The following PPP6R3 variants were observed in gnomAD, a reference collection of about 807,000 sequenced individuals.
The protein encoded by PPP6R3 is protein phosphatase 6 regulatory subunit 3.
PPP6R3 carries 38 observed loss-of-function variants against 110.7 expected under a neutral mutation model. That is an observed-to-expected ratio of 0.34 (90% CI 0.26 to 0.45). The LOEUF (loss-of-function observed/expected upper bound fraction) is 0.45. Among genes scored for constraint, PPP6R3 ranks in the 20% least tolerant of loss-of-function variants. The pLI is 1.00. For synonymous variants in PPP6R3, 369 were observed against 373.5 expected (o/e 0.99, Z 0.14); for missense variants, 870 against 1,062.4 (o/e 0.82, Z 2.52).
intron 22 of PPP6R3, among the ~76,000 whole-genome samples, chr11:68,607,863 T>C (rs1391189370): frequency 1.3e-5 from 2 of 152,088 alleles, no homozygotes; most frequent in Non-Finnish European, 2.9e-5. Flanking sequence ...AACTTCCAAC[T>C]CCTGAGCTCC....
intron 15 of PPP6R3, among the ~76,000 whole-genome samples, chr11:68,584,435 A>G (rs2099571915): frequency 6.6e-6 from 1 of 152,208 alleles, no homozygotes. Flanking sequence ...AGTGCTGTAC[A>G]TTGGTCCACC....
intron 1 of PPP6R3, among the ~76,000 whole-genome samples, chr11:68,506,297 G>C (rs972899210): frequency 3.3e-5 from 5 of 150,138 alleles, no homozygotes; most frequent in Admixed American, 6.6e-5. Context: ...GTAGAGACGG[G>C]GTCTTGCTAT....
intron 15 of PPP6R3, among the ~76,000 whole-genome samples, chr11:68,583,876 AACGGGG>A (rs1400343957): frequency 1.3e-5 from 2 of 152,200 alleles, no homozygotes; most frequent in Non-Finnish European, 2.9e-5. Flanking sequence ...CAATAGAATT[AACGGGG>A]ACACCTTCCC....
chr11:68,614,938 A>T lies in PPP6R3; in HGVS notation c.*1821A>T. The T allele has an allele frequency of 1.5e-6, 1 of 655,658 alleles. No individual in the cohort carries two copies. Among genetic ancestry groups the T allele is most frequent in the African/African-American group, 1.8e-5 (1 of 56,134 alleles). 40.6% of individuals were successfully genotyped at this position (655,658 alleles called of 1,614,324 possible). A position where few individuals can be genotyped will look rare whatever the true frequency, so the allele number is the denominator to read the frequency against. ...CCAGCCATGGCCAGGGTTTGGCTCC[A>T]CTGGTGGCACACGTGGCCTCCGTGG... On this transcript the variant is annotated 3_prime_UTR_variant, in exon 24 of 24. Transcript: ENST00000393800.
At chr11:68,567,770 G>A (rs2099484094) in intron 10 of PPP6R3, among the ~76,000 whole-genome samples, 1 of 152,122 alleles carries the variant, frequency 6.6e-6, no homozygotes, top group African/African-American at 2.4e-5. Context: ...AAGCGCGAGG[G>A]TTAACACTTT....
intron 1 of PPP6R3, among the ~76,000 whole-genome samples, chr11:68,500,535 T>TG (rs1256188504): frequency 6.6e-6 from 1 of 152,194 alleles, no homozygotes; most frequent in Admixed American, 6.5e-5. Context: ...CGGAGTGCAG[T>TG]GGTGTGATCT....
intron 13 of PPP6R3, 146 bp downstream of exon 13, chr11:68,574,370 G>C (rs2099522193): frequency 9.5e-6 from 6 of 628,626 alleles, no homozygotes; most frequent in Non-Finnish European, 1.4e-5. Context: ...TGAGGTTCTT[G>C]AGAATGTGTT....
At chr11:68,465,204 T>G (rs1455099754) in intron 1 of PPP6R3, among the ~76,000 whole-genome samples, 1 of 152,222 alleles carries the variant, frequency 6.6e-6, no homozygotes, top group Non-Finnish European at 1.5e-5. Flanking sequence ...TTTGTTTTAA[T>G]AAAGACCTAT....
At chr11:68,550,240 T>G (rs1412492276) in intron 5 of PPP6R3, among the ~76,000 whole-genome samples, 1 of 152,228 alleles carries the variant, frequency 6.6e-6, no homozygotes, top group Non-Finnish European at 1.5e-5. Context: ...ACCTAATAGC[T>G]TCACATTTTC....
chr11:68,499,831 C>T (rs749071161), intron 1 of PPP6R3, among the ~76,000 whole-genome samples: 1 of 152,098 alleles, frequency 6.6e-6, no homozygotes, highest in Admixed American at 6.6e-5. Context: ...CCTCGGCCCT[C>T]CAAAGTGCTA....
intron 1 of PPP6R3, among the ~76,000 whole-genome samples, chr11:68,482,810 C>G (rs553240240): frequency 2.6e-5 from 4 of 151,510 alleles, no homozygotes; most frequent in African/African-American, 7.3e-5. Flanking sequence ...GATTTTTTTT[C>G]TGTATATTTG....
chr11:68,463,859 T>C (rs1211410270), intron 1 of PPP6R3, among the ~76,000 whole-genome samples: 1 of 152,166 alleles, frequency 6.6e-6, no homozygotes, highest in South Asian at 2.1e-4. Flanking sequence ...TCTGGACATA[T>C]TTTTGCTTGT....
At chr11:68,533,629 C>T (rs1020777652) in intron 2 of PPP6R3, among the ~76,000 whole-genome samples, 1 of 147,940 alleles carries the variant, frequency 6.8e-6, no homozygotes, top group African/African-American at 2.5e-5. Flanking sequence ...CACCTGAGTC[C>T]TGGAGGCAGA....
chr11:68,614,564 T>A lies in PPP6R3; in HGVS notation c.*1447T>A. 1 of 1,500,712 alleles carries A rather than the reference T, an allele frequency of 6.7e-7. No homozygotes were observed. Among genetic ancestry groups the A allele is most frequent in the Non-Finnish European group, 8.8e-7 (1 of 1,135,454 alleles). 93.0% of individuals were successfully genotyped at this position (1,500,712 alleles called of 1,614,324 possible). A position where few individuals can be genotyped will look rare whatever the true frequency, so the allele number is the denominator to read the frequency against. Reference sequence around the variant, plus strand: ...CAAGCAGCGTGCCTAAACATTACATTGCATATGGAAATAAAAGAATCAAAC... The same window carrying A: ...CAAGCAGCGTGCCTAAACATTACATAGCATATGGAAATAAAAGAATCAAAC... On this transcript the variant is annotated 3_prime_UTR_variant, in exon 24 of 24. Coordinates refer to ENST00000393800, the MANE Select transcript of PPP6R3 (RefSeq NM_001164161.2).
chr11:68,582,545 G>C (rs1209118577), intron 14 of PPP6R3, among the ~76,000 whole-genome samples: 1 of 152,226 alleles, frequency 6.6e-6, no homozygotes, highest in African/African-American at 2.4e-5. Flanking sequence ...CTACTAGACA[G>C]TGGTTTTCTT....
chr11:68,601,350 T>C (rs185692234), intron 20 of PPP6R3, among the ~76,000 whole-genome samples: 14 of 152,318 alleles, frequency 9.2e-5, no homozygotes, highest in Admixed American at 2.0e-4. Context: ...GGAAGTGTAA[T>C]GATCTCCCTC....
At chr11:68,501,332 A>G (rs2099047790) in intron 1 of PPP6R3, among the ~76,000 whole-genome samples, 1 of 152,216 alleles carries the variant, frequency 6.6e-6, no homozygotes, top group Non-Finnish European at 1.5e-5. Flanking sequence ...TAGACAAATT[A>G]TTAGTATTAT....
intron 23 of PPP6R3, among the ~76,000 whole-genome samples, chr11:68,612,639 A>G (rs1460316417): frequency 6.8e-6 from 1 of 148,090 alleles, no homozygotes; most frequent in African/African-American, 2.5e-5. Context: ...CCCCTTTCCT[A>G]GTAGCAGAAT....
chr11:68,495,607 A>G (rs919195727), intron 1 of PPP6R3, among the ~76,000 whole-genome samples: 21 of 152,206 alleles, frequency 1.4e-4, no homozygotes, highest in African/African-American at 4.6e-4. Context: ...TTTTGGGACT[A>G]GCTTTTTCCC....
Sources: allele counts gnomAD v4.1 joint callset (sites outside exome capture counted in the v4.1 genomes callset), GRCh38; gene constraint gnomAD v4.1.1; transcripts MANE v1.5; gene names NCBI Gene and HGNC (gene_info 2026-07-23, HGNC 2026-07-21).